RNF214: variants seen among roughly 807,000 people sequenced by gnomAD.
The protein encoded by RNF214 is ring finger protein 214.
Under a neutral mutation model 75.9 loss-of-function variants are expected in RNF214, and 25 were observed. The ratio of observed to expected loss-of-function variants is 0.33; its 90% confidence interval spans 0.24 to 0.46. The LOEUF (loss-of-function observed/expected upper bound fraction) is 0.46. Among genes scored for constraint, RNF214 ranks in the 20% least tolerant of loss-of-function variants. The pLI is 1.00. For synonymous variants in RNF214, 314 were observed against 308.8 expected, an observed-to-expected ratio of 1.02 and a Z score of -0.18; for missense variants, 725 against 857.5, an observed-to-expected ratio of 0.85 and a Z score of 1.93.
chr11:117,276,422 CA>C (rs1344426238), intron 6 of RNF214, among the ~76,000 whole-genome samples: 2 of 151,996 alleles, frequency 1.3e-5, no homozygotes, highest in Non-Finnish European at 2.9e-5. Context: ...CCAGCTTGGG[CA>C]ATATAGTGGG....
intron 6 of RNF214, among the ~76,000 whole-genome samples, chr11:117,263,425 G>A (rs927947768): frequency 3.0e-4 from 46 of 151,822 alleles, no homozygotes; most frequent in Non-Finnish European, 5.0e-4. Flanking sequence ...ACAGGCACAC[G>A]CCACCATGCC....
chr11:117,262,987 C>T (rs1361674969), intron 6 of RNF214, among the ~76,000 whole-genome samples: 1 of 151,830 alleles, frequency 6.6e-6, no homozygotes, highest in Non-Finnish European at 1.5e-5. Flanking sequence ...TTGTATTTTT[C>T]ATAGAGACGG....
At chr11:117,278,285 C>CA (rs1332782485) in intron 6 of RNF214, among the ~76,000 whole-genome samples, 1 of 152,180 alleles carries the variant, frequency 6.6e-6, no homozygotes, top group Admixed American at 6.5e-5. Context: ...GCCTGGGTGA[C>CA]AGAGTGAGAC....
intron 14 of RNF214, 106 bp downstream of exon 14, chr11:117,283,316 AC>A: frequency 2.6e-6 from 2 of 755,884 alleles, no homozygotes; most frequent in Non-Finnish European, 4.5e-6. Context: ...AGCTAAAATA[AC>A]TTTTCTTTTA....
chr11:117,248,322 T>A (rs1255539749), intron 6 of RNF214, among the ~76,000 whole-genome samples: 1 of 152,204 alleles, frequency 6.6e-6, no homozygotes, highest in African/African-American at 2.4e-5. Flanking sequence ...ATGATCCGCC[T>A]GCCTCGGCCT....
At chr11:117,270,460 CTCTG>C (rs1445528138) in intron 6 of RNF214, among the ~76,000 whole-genome samples, 1 of 151,834 alleles carries the variant, frequency 6.6e-6, no homozygotes, top group Admixed American at 6.6e-5. Context: ...GAGATGGAGT[CTCTG>C]TCTGTCACCC....
At chr11:117,269,831 A>G (rs923791762) in intron 6 of RNF214, among the ~76,000 whole-genome samples, 4 of 152,222 alleles carry the variant, frequency 2.6e-5, no homozygotes, top group African/African-American at 9.7e-5. Context: ...TTGACTTACT[A>G]TGGGGCTATG....
At chr11:117,274,233 T>C (rs1208427826) in intron 6 of RNF214, among the ~76,000 whole-genome samples, 1 of 151,992 alleles carries the variant, frequency 6.6e-6, no homozygotes, top group Admixed American at 6.6e-5. Flanking sequence ...TGCATACACA[T>C]GGAAGAACTC....
intron 6 of RNF214, among the ~76,000 whole-genome samples, chr11:117,258,454 T>A (rs1273769706): frequency 6.6e-6 from 1 of 152,170 alleles, no homozygotes; most frequent in Non-Finnish European, 1.5e-5. Context: ...ATTTTTTCAT[T>A]GCATATCAGA....
intron 6 of RNF214, among the ~76,000 whole-genome samples, chr11:117,272,926 A>G (rs1325950241): frequency 6.6e-6 from 1 of 152,200 alleles, no homozygotes; most frequent in African/African-American, 2.4e-5. Flanking sequence ...GATTTTATCT[A>G]TCAGTATATA....
At chr11:117,268,723 C>T (rs1188457337) in intron 6 of RNF214, among the ~76,000 whole-genome samples, 1 of 152,152 alleles carries the variant, frequency 6.6e-6, no homozygotes, top group African/African-American at 2.4e-5. Flanking sequence ...CTTTTACAAA[C>T]AGCTTGCTTG....
chr11:117,273,517 A>C (rs1029848402), intron 6 of RNF214, among the ~76,000 whole-genome samples: 1 of 152,142 alleles, frequency 6.6e-6, no homozygotes, highest in Non-Finnish European at 1.5e-5. Flanking sequence ...TTATGTTCAG[A>C]GATTAGGGCC....
chr11:117,279,324 T>C (rs1451055955), intron 6 of RNF214, among the ~76,000 whole-genome samples: 3 of 100,096 alleles, frequency 3.0e-5, no homozygotes, highest in Admixed American at 9.1e-5. Flanking sequence ...AGATACAAAC[T>C]TTTTTTTTTT....
chr11:117,282,346 G>A, intron 11 of RNF214, 58 bp from the exon 12 acceptor site: 1 of 1,598,736 alleles, frequency 6.3e-7, no homozygotes, highest in Non-Finnish European at 8.5e-7. Flanking sequence ...GAGGTTACAT[G>A]GGTGTTCCCC....
intron 9 of RNF214, 50 bp from the exon 10 acceptor site, chr11:117,281,550 T>C (rs2034127349): frequency 6.8e-7 from 1 of 1,480,592 alleles, no homozygotes; most frequent in East Asian, 2.3e-5. Context: ...GCTGTCTTTC[T>C]AGAGAGCCTG....
At chr11:117,241,545 A>C (rs2033080679) in intron 4 of RNF214, among the ~76,000 whole-genome samples, 1 of 150,028 alleles carries the variant, frequency 6.7e-6, no homozygotes, top group African/African-American at 2.5e-5. Context: ...GCACCACTGC[A>C]CTCCAGCCTG....
intron 5 of RNF214, among the ~76,000 whole-genome samples, chr11:117,245,088 G>C (rs1489138444): frequency 6.6e-6 from 1 of 151,532 alleles, no homozygotes; most frequent in African/African-American, 2.4e-5. Flanking sequence ...AGAGGTTGAG[G>C]CGGGTGGATC....
chr11:117,234,797 T>C (rs981336334), intron 2 of RNF214, among the ~76,000 whole-genome samples: 1 of 152,230 alleles, frequency 6.6e-6, no homozygotes, highest in African/African-American at 2.4e-5. Flanking sequence ...TACATTGTTA[T>C]GTACAGTGTT....
At chr11:117,237,809 T>C (rs1209753285) in intron 2 of RNF214, among the ~76,000 whole-genome samples, 1 of 152,220 alleles carries the variant, frequency 6.6e-6, no homozygotes, top group East Asian at 1.9e-4. Context: ...AATTGTACTT[T>C]AGACAACTTA....
Sources: allele counts gnomAD v4.1 joint callset (sites outside exome capture counted in the v4.1 genomes callset), GRCh38; gene constraint gnomAD v4.1.1; transcripts MANE v1.5; gene names NCBI Gene and HGNC (gene_info 2026-07-23, HGNC 2026-07-21).